L3MBTL3: variants seen among roughly 807,000 people sequenced by gnomAD.
The protein encoded by L3MBTL3 is lethal(3)malignant brain tumor-like protein 3.
Under a neutral mutation model 102.3 loss-of-function variants are expected in L3MBTL3, and 27 were observed. The ratio of observed to expected loss-of-function variants is 0.26; its 90% CI spans 0.19 to 0.36. The LOEUF (loss-of-function observed/expected upper bound fraction) is 0.36, where lower values mean the gene tolerates loss of function less well. L3MBTL3 is among the 10% of genes least tolerant of loss of function. The pLI, the probability that L3MBTL3 is intolerant of heterozygous loss-of-function variation, is 1.00. For synonymous variants in L3MBTL3, 340 were observed against 320.9 expected, an observed-to-expected ratio of 1.06 and a Z score of -0.64; for missense variants, 798 against 955.3, an observed-to-expected ratio of 0.84 and a Z score of 2.17.
At chr6:130,075,044 A>G (rs1358911941) in intron 13 of L3MBTL3, among the ~76,000 whole-genome samples, 1 of 152,122 alleles carries the variant, frequency 6.6e-6, no homozygotes, top group Non-Finnish European at 1.5e-5. Flanking sequence ...GTCAGTTAAT[A>G]GGCTTGTCAC....
intron 2 of L3MBTL3, among the ~76,000 whole-genome samples, chr6:130,027,331 A>C (rs1009255589): frequency 2.6e-5 from 4 of 152,162 alleles, no homozygotes; most frequent in Non-Finnish European, 4.4e-5. Context: ...ATATTACATA[A>C]ATTTTGTGGA....
chr6:130,086,628 A>G (rs1783708598), intron 16 of L3MBTL3, among the ~76,000 whole-genome samples: 1 of 152,204 alleles, frequency 6.6e-6, no homozygotes, highest in Non-Finnish European at 1.5e-5. Context: ...TCAGAGGAAC[A>G]TCCTATCTCA....
intron 19 of L3MBTL3, among the ~76,000 whole-genome samples, chr6:130,119,273 G>T (rs1336349175): frequency 6.6e-6 from 1 of 152,082 alleles, no homozygotes; most frequent in African/African-American, 2.4e-5. Context: ...GTAGTGTATG[G>T]TTTTTAATAA....
intron 19 of L3MBTL3, among the ~76,000 whole-genome samples, chr6:130,117,138 A>T (rs1785763406): frequency 1.2e-5 from 1 of 80,118 alleles, no homozygotes; most frequent in Non-Finnish European, 2.3e-5. Context: ...CCACCCCACC[A>T]CAGTCCCCAG....
At chr6:130,041,436 T>C (rs1187160938) in intron 2 of L3MBTL3, among the ~76,000 whole-genome samples, 1 of 152,224 alleles carries the variant, frequency 6.6e-6, no homozygotes, top group Non-Finnish European at 1.5e-5. Context: ...TGCCCAGTGA[T>C]ATGGTTACTC....
At chr6:130,081,016 T>G (rs921212026) in intron 14 of L3MBTL3, among the ~76,000 whole-genome samples, 3 of 152,244 alleles carry the variant, frequency 2.0e-5, no homozygotes, top group Non-Finnish European at 4.4e-5. Flanking sequence ...CTTCACCCCC[T>G]TGTACTTCAC....
At chr6:130,079,012 G>A (rs1306240732) in intron 14 of L3MBTL3, among the ~76,000 whole-genome samples, 1 of 151,982 alleles carries the variant, frequency 6.6e-6, no homozygotes, top group Non-Finnish European at 1.5e-5. Flanking sequence ...TTCATTTCTA[G>A]ACTTTATATT....
At chr6:130,066,325 AT>A (rs765344779) in intron 10 of L3MBTL3, 27 bp from the exon 11 acceptor site, 16 of 1,241,672 alleles carry the variant, frequency 1.3e-5, no homozygotes, top group African/African-American at 3.2e-5. Flanking sequence ...GTTAAAAAAA[AT>A]AATTCAACCT....
chr6:130,089,388 A>G (rs143350011), intron 16 of L3MBTL3, among the ~76,000 whole-genome samples: 6,145 of 152,154 alleles, frequency 0.04, 417 homozygotes, highest in African/African-American at 0.14. Flanking sequence ...CCTGCAGAAG[A>G]CATGAACTCA....
chr6:130,038,945 A>C (rs1780235352), intron 2 of L3MBTL3, among the ~76,000 whole-genome samples: 1 of 152,184 alleles, frequency 6.6e-6, no homozygotes, highest in African/African-American at 2.4e-5. Flanking sequence ...AGAAGAAAAA[A>C]TATTGAAGCG....
chr6:130,029,926 C>T (rs1323324326), intron 2 of L3MBTL3, among the ~76,000 whole-genome samples: 4 of 152,114 alleles, frequency 2.6e-5, no homozygotes, highest in Admixed American at 6.5e-5. Flanking sequence ...TGGGTTCAAG[C>T]GATTCTCGTG....
At chr6:130,096,103 T>C (rs373897474) in intron 18 of L3MBTL3, among the ~76,000 whole-genome samples, 2 of 152,286 alleles carry the variant, frequency 1.3e-5, no homozygotes, top group East Asian at 1.9e-4. Context: ...CCCTATGATA[T>C]AAGAACTGTT....
At chr6:130,111,687 C>T (rs1293525165) in intron 19 of L3MBTL3, among the ~76,000 whole-genome samples, 1 of 152,188 alleles carries the variant, frequency 6.6e-6, no homozygotes, top group African/African-American at 2.4e-5. Flanking sequence ...GAGCCATGGG[C>T]AGCTAATGTT....
chr6:130,114,260 C>T (rs1471497070), intron 19 of L3MBTL3, among the ~76,000 whole-genome samples: 1 of 152,134 alleles, frequency 6.6e-6, no homozygotes, highest in Non-Finnish European at 1.5e-5. Flanking sequence ...ATTCAAAGTG[C>T]AGGGATAAGA....
chr6:130,078,043 A>G (rs1026089856), intron 13 of L3MBTL3, among the ~76,000 whole-genome samples: 8 of 152,122 alleles, frequency 5.3e-5, no homozygotes, highest in African/African-American at 1.9e-4. Flanking sequence ...GACAGAAAGG[A>G]GAAGAAAGAG....
intron 1 of L3MBTL3, among the ~76,000 whole-genome samples, chr6:130,021,340 A>G (rs1779002143): frequency 6.6e-6 from 1 of 152,204 alleles, no homozygotes; most frequent in African/African-American, 2.4e-5. Context: ...GAGCAGCCAG[A>G]TGTTGTGTGA....
intron 9 of L3MBTL3, 49 bp from the exon 10 acceptor site, chr6:130,059,983 TTAAA>T (rs1315513673): frequency 3.1e-6 from 3 of 965,168 alleles, no homozygotes; most frequent in African/African-American, 1.6e-5. Context: ...ATTTACATCT[TTAAA>T]TAGGGCTTTG....
intron 19 of L3MBTL3, among the ~76,000 whole-genome samples, chr6:130,115,577 C>T (rs1195124570): frequency 4.6e-5 from 7 of 152,164 alleles, no homozygotes; most frequent in Admixed American, 1.3e-4. Context: ...ATGCATTTAC[C>T]ATTCTAATGT....
At position 130,018,625 on chromosome 6, in the gene L3MBTL3, T is replaced by C. The variant is rs1778716280; in HGVS notation, c.-134T>C. 6.5e-6 allele frequency: 1 copy of C among 153,288 alleles called. No individual in the cohort carries two copies. The highest frequency in any genetic ancestry group is 6.5e-5 in the Admixed American group (1 of 15,288). The allele number at this position is 153,288 out of a possible 1,614,324, so 9.5% of individuals were successfully genotyped here. On this transcript the variant is annotated 5_prime_UTR_variant, in exon 1 of 23. Coordinates refer to ENST00000361794, the MANE Select transcript of L3MBTL3 (RefSeq NM_032438.4). Reference sequence around the variant, plus strand: ...GCAGCCCTGGACCATTTGTCAGGACTACTCGTGAGACGGAGAAAAAAAAAA... The same window carrying C: ...GCAGCCCTGGACCATTTGTCAGGACCACTCGTGAGACGGAGAAAAAAAAAA...
Sources: gnomAD v4.1 joint callset for allele counts (sites outside exome capture counted in the v4.1 genomes callset) on GRCh38, gnomAD v4.1.1 for gene constraint, MANE v1.5 for transcripts, NCBI Gene and HGNC (gene_info 2026-07-23, HGNC 2026-07-21) for gene names.